Variants in MAP3K4 observed in about 807,000 individuals in gnomAD.
MAP3K4 encodes MAP three kinase 1.
In MAP3K4, 67 loss-of-function variants were observed where a neutral mutation model predicts 185.6. The ratio of observed to expected loss-of-function variants is 0.36; its 90% CI spans 0.30 to 0.44. The LOEUF (loss-of-function observed/expected upper bound fraction) is 0.44. MAP3K4 is among the 20% of genes least tolerant of loss of function. MAP3K4 has a pLI of 1.00. For synonymous variants in MAP3K4, 702 were observed against 710.4 expected, an observed-to-expected ratio of 0.99 and a Z score of 0.19; for missense variants, 1,551 against 1,995.1, an observed-to-expected ratio of 0.78 and a Z score of 4.24.
chr6:161,022,581 T>C lies in MAP3K4; in HGVS notation c.153-11678T>C, dbSNP rs1344113700. On this transcript the variant is annotated intron_variant, in intron 1 of 26. Transcript: ENST00000392142. The surrounding 1 kb of genome is among the most constrained non-coding windows in gnomAD (Gnocchi z 4.2). ...TGTCCCACAGGAGAAGTGATCCTTATCAGTGTGAGCTACAAGTGAATGGTC... is the reference window on the plus strand; with the variant it reads ...TGTCCCACAGGAGAAGTGATCCTTACCAGTGTGAGCTACAAGTGAATGGTC... 2.6e-5 allele frequency among the ~76,000 whole-genome samples: 4 copies of C among 152,134 alleles called. No individual in the cohort carries two copies. Among genetic ancestry groups the C allele is most frequent in the Middle Eastern group, 6.3e-3 (2 of 316 alleles).
intron 3 of MAP3K4, among the ~76,000 whole-genome samples, chr6:161,065,426 G>A (rs573313802): frequency 3.2e-4 from 48 of 152,188 alleles, no homozygotes; most frequent in South Asian, 3.1e-3. Context: ...CCCTTTCTCC[G>A]CTCACTGGTT....
intron 1 of MAP3K4, among the ~76,000 whole-genome samples, chr6:161,002,802 A>G (rs1442081549): frequency 6.6e-6 from 1 of 152,148 alleles, no homozygotes; most frequent in East Asian, 1.9e-4. Flanking sequence ...CATGTTAGCC[A>G]TGATGGTCTC....
chr6:161,086,530 T>G lies in MAP3K4; in HGVS notation c.2472+52T>G, dbSNP rs1180822190. 1 of 1,601,610 alleles carries G rather than the reference T, an allele frequency of 6.2e-7. No homozygotes were observed. Among genetic ancestry groups the G allele is most frequent in the Non-Finnish European group, 8.5e-7 (1 of 1,172,068 alleles). ...TACCTTTTTTCTTGTTTTTCTTTTA[T>G]CTTATTTTTTTAATGCTAACCGTAA... On this transcript the variant is annotated intron_variant, in intron 8 of 26. Transcript: ENST00000392142. This position sits in a 1 kb window ranked among gnomAD's most constrained non-coding sequence, Gnocchi z 4.8.
chr6:161,073,328 A>G lies in MAP3K4; in HGVS notation c.1951-138A>G. On this transcript the variant is annotated intron_variant, in intron 4 of 26. Transcript: ENST00000392142. This position sits in a 1 kb window ranked among gnomAD's most constrained non-coding sequence, Gnocchi z 4.2. Reference sequence around the variant, plus strand: ...GTATTTACATAAAATGAACTGATCAAGAATCTAGAAACTATTGTAGGTTTT... The same window carrying G: ...GTATTTACATAAAATGAACTGATCAGGAATCTAGAAACTATTGTAGGTTTT... 1 of 710,692 alleles carries G rather than the reference A, an allele frequency of 1.4e-6. No homozygotes were observed. Among genetic ancestry groups the G allele is most frequent in the Non-Finnish European group, 2.2e-6 (1 of 457,818 alleles). 44.0% of individuals were successfully genotyped at this position (710,692 alleles called of 1,614,324 possible).
intron 3 of MAP3K4, among the ~76,000 whole-genome samples, chr6:161,052,583 G>C (rs1784052947): frequency 6.6e-6 from 1 of 152,214 alleles, no homozygotes; most frequent in African/African-American, 2.4e-5. Flanking sequence ...AAGAGTAACA[G>C]AGAGCGAAAG....
chr6:161,105,862 G>A (rs919158309), intron 19 of MAP3K4, among the ~76,000 whole-genome samples: 6 of 147,624 alleles, frequency 4.1e-5, no homozygotes. Flanking sequence ...TTGAGACCTG[G>A]TCTTACTCTG....
Position 161,005,745 on chromosome 6 carries a change from C to T in MAP3K4, c.152+13662C>T, listed in dbSNP as rs73022090. ...ATTACAAGTAGAATAAAAATCTGTG[C>T]GTATATTTAACACACTGATAAGTCA... On this transcript the variant is annotated intron_variant, in intron 1 of 26. Coordinates refer to ENST00000392142, the MANE Select transcript of MAP3K4 (RefSeq NM_005922.4). 7.3e-3 allele frequency among the ~76,000 whole-genome samples: 1,113 copies of T among 152,060 alleles called. 7 individuals carry two copies. Among genetic ancestry groups the T allele is most frequent in the Non-Finnish European group, 0.011 (726 of 67,984 alleles).
Position 161,106,138 on chromosome 6 carries a change from G to A in MAP3K4, c.3857-376G>A, listed in dbSNP as rs1778059712. 6.6e-6 allele frequency among the ~76,000 whole-genome samples: 1 copy of A among 151,998 alleles called. No individual in the cohort carries two copies. Among genetic ancestry groups the A allele is most frequent in the Non-Finnish European group, 1.5e-5 (1 of 67,990 alleles). ...AGAATGAGTCACTGCTCCAGGCCTC[G>A]TGAATTAAATTTATGTAGGACAGTA... On this transcript the variant is annotated intron_variant, in intron 19 of 26. Coordinates refer to ENST00000392142, the MANE Select transcript of MAP3K4 (RefSeq NM_005922.4). This position sits in a 1 kb window ranked among gnomAD's most constrained non-coding sequence, Gnocchi z 4.9.
intron 2 of MAP3K4, among the ~76,000 whole-genome samples, chr6:161,047,930 A>G (rs1353658860): frequency 6.6e-6 from 1 of 152,210 alleles, no homozygotes; most frequent in Non-Finnish European, 1.5e-5. Context: ...ATGGCAGTAT[A>G]ACATACTAAG....
chr6:160,993,509 T>G (rs657616), intron 1 of MAP3K4, among the ~76,000 whole-genome samples: 142,629 of 152,274 alleles, frequency 0.94, 67,127 homozygotes, highest in African/African-American at 0.97. Context: ...AGGCACACAG[T>G]TTAAGTATCT....
At position 160,991,958 on chromosome 6, in the gene MAP3K4, C is replaced by T. The variant is rs750190300; in HGVS notation, c.27C>T (p.Val9=). Residue 9 remains valine (V), a synonymous_variant, in exon 1 of 27, where the codon GTC becomes GTT. Coordinates refer to ENST00000392142, the MANE Select transcript of MAP3K4 (RefSeq NM_005922.4). The surrounding 1 kb of genome is among the most constrained non-coding windows in gnomAD (Gnocchi z 5.7). The part of the protein sequence containing the change: MREAAAAL[V]PPPAFAVTPA... The stretch of plus-strand genomic sequence containing the variant: ...TGAGAGAAGCCGCTGCCGCGCTGGT[C>T]CCTCCTCCCGCCTTTGCCGTCACGC... 2.2e-5 allele frequency: 34 copies of T among 1,545,628 alleles called. No homozygotes were observed. The African/African-American group carries it at 4.2e-4, about 19-fold the overall frequency.
intron 1 of MAP3K4, among the ~76,000 whole-genome samples, chr6:161,006,179 T>C (rs965280789): frequency 1.3e-5 from 2 of 152,228 alleles, no homozygotes; most frequent in African/African-American, 2.4e-5. Flanking sequence ...AAACTGTTTC[T>C]GAGTTAGTTT....
chr6:160,992,048 G>C lies in MAP3K4; in HGVS notation c.117G>C (p.Glu39Asp), dbSNP rs537306423. ...PPPPPPPPEP[E>D]TESEPECCLA... ...CGCCACCACCGCCACCGGAACCCGAGACCGAGTCAGAACCCGAGTGCTGCT... is the reference window on the plus strand; with the variant it reads ...CGCCACCACCGCCACCGGAACCCGACACCGAGTCAGAACCCGAGTGCTGCT... The change falls in exon 1 of 27, where the codon GAG becomes GAC. Residue 39 changes from glutamate (E) to aspartate (D), a missense_variant. Glu to Asp is a conservative substitution (Grantham distance 45). Coordinates refer to ENST00000392142, the MANE Select transcript of MAP3K4 (RefSeq NM_005922.4). 1 of 1,583,060 alleles carries C rather than the reference G, an allele frequency of 6.3e-7. No individual in the cohort carries two copies. The highest frequency in any genetic ancestry group is 8.5e-7 in the Non-Finnish European group (1 of 1,170,482).
chr6:161,011,825 C>T (rs1781854300), intron 1 of MAP3K4, among the ~76,000 whole-genome samples: 1 of 152,164 alleles, frequency 6.6e-6, no homozygotes, highest in African/African-American at 2.4e-5. Context: ...TAGCTCACTG[C>T]TGCAGTCCAC....
intron 3 of MAP3K4, among the ~76,000 whole-genome samples, chr6:161,055,843 T>C (rs1784210750): frequency 6.6e-6 from 1 of 152,182 alleles, no homozygotes; most frequent in East Asian, 1.9e-4. Context: ...TTCCTTTCCA[T>C]ACTCCAATTC....
At chr6:161,000,231 C>A (rs913003651) in intron 1 of MAP3K4, among the ~76,000 whole-genome samples, 5 of 152,184 alleles carry the variant, frequency 3.3e-5, no homozygotes, top group Non-Finnish European at 7.3e-5. Context: ...TCATAACCTA[C>A]TAAATTGATT....
intron 1 of MAP3K4, among the ~76,000 whole-genome samples, chr6:161,025,665 A>C (rs1782611604): frequency 6.6e-6 from 1 of 152,228 alleles, no homozygotes; most frequent in Non-Finnish European, 1.5e-5. Flanking sequence ...AATGATATAG[A>C]ATGTTTTTTC....
chr6:161,044,382 A>G (rs951243080), intron 2 of MAP3K4, among the ~76,000 whole-genome samples: 2 of 152,188 alleles, frequency 1.3e-5, no homozygotes, highest in Non-Finnish European at 2.9e-5. Flanking sequence ...TTTAGTATTA[A>G]TAGGAAACCA....
chr6:161,081,984 G>A (rs1313511218), intron 6 of MAP3K4, among the ~76,000 whole-genome samples: 25 of 152,170 alleles, frequency 1.6e-4, no homozygotes, highest in Admixed American at 1.5e-3. Flanking sequence ...TCCCGTCAGC[G>A]TGACTTCTGC....
Sources: gnomAD v4.1 joint callset for allele counts (sites outside exome capture counted in the v4.1 genomes callset) on GRCh38, gnomAD v4.1.1 for gene constraint, Gnocchi (gnomAD v3.1) non-coding constraint, MANE v1.5 for transcripts, NCBI Gene and HGNC (gene_info 2026-07-23, HGNC 2026-07-21) for gene names.